HHAT: variants seen among roughly 807,000 people sequenced by gnomAD.
HHAT encodes the protein protein-cysteine N-palmitoyltransferase HHAT.
A neutral mutation model predicts 70.8 loss-of-function variants in HHAT; 47 were observed. The ratio of observed to expected loss-of-function variants is 0.66; its 90% CI spans 0.53 to 0.85. The LOEUF (loss-of-function observed/expected upper bound fraction) is 0.85, where lower values mean the gene tolerates loss of function less well. Ranked by LOEUF, HHAT falls within the 40% of genes least tolerant of loss-of-function variation. HHAT has a pLI of 0.00. For missense variants in HHAT, 609 were observed against 604.8 expected, an observed-to-expected ratio of 1.01 and a Z score of -0.07; for synonymous variants, 228 against 247.6, an observed-to-expected ratio of 0.92 and a Z score of 0.74.
At chr1:210,357,021 T>A (rs2087704890) in intron 2 of HHAT, among the ~76,000 whole-genome samples, 1 of 152,178 alleles carries the variant, frequency 6.6e-6, no homozygotes, top group Non-Finnish European at 1.5e-5. Flanking sequence ...TAACAGTGAG[T>A]GTTGTGGAAC....
At chr1:210,551,898 C>A (rs1244041141) in intron 9 of HHAT, among the ~76,000 whole-genome samples, 1 of 152,210 alleles carries the variant, frequency 6.6e-6, no homozygotes, top group Non-Finnish European at 1.5e-5. Context: ...AAGGCCATCT[C>A]ATTTGTGCCT....
chr1:210,631,185 A>G (rs1670791566), intron 11 of HHAT: 1 of 447,620 alleles, frequency 2.2e-6, no homozygotes, highest in Non-Finnish European at 4.5e-6. Context: ...AGGTGAGATT[A>G]TAAGCCCTTT....
intron 8 of HHAT, among the ~76,000 whole-genome samples, chr1:210,479,752 A>G (rs2094363287): frequency 6.6e-6 from 1 of 152,264 alleles, no homozygotes; most frequent in Non-Finnish European, 1.5e-5. Flanking sequence ...AATAAGTGAA[A>G]TAAATTGTTT....
chr1:210,411,355 G>A (rs2092547359), intron 6 of HHAT, among the ~76,000 whole-genome samples: 1 of 152,180 alleles, frequency 6.6e-6, no homozygotes, highest in Non-Finnish European at 1.5e-5. Flanking sequence ...ATGCACAGTT[G>A]GCTTATTTAG....
In HHAT at chr1:210,442,423, C is replaced by G. The variant is rs1249992104; in HGVS notation, c.857-22082C>G. 1.2e-4 allele frequency among the ~76,000 whole-genome samples: 18 copies of G among 146,384 alleles called. No homozygotes were observed. The South Asian group carries it at 4.2e-3, about 34-fold the overall frequency. On this transcript the variant is annotated intron_variant, in intron 7 of 11. Coordinates refer to ENST00000261458, the MANE Select transcript of HHAT (RefSeq NM_018194.6). ...CAGTTCTAGATCCCTGAGGAATCGC[C>G]ACACTGACTTCCACAATGGTTGAAC...
intron 11 of HHAT, among the ~76,000 whole-genome samples, chr1:210,661,314 T>C (rs1457067618): frequency 6.6e-6 from 1 of 152,102 alleles, no homozygotes; most frequent in Non-Finnish European, 1.5e-5. Flanking sequence ...CATGAAAAAA[T>C]GCTCATCATC....
At chr1:210,478,898 C>G (rs1052655158) in intron 8 of HHAT, among the ~76,000 whole-genome samples, 2 of 152,246 alleles carry the variant, frequency 1.3e-5, no homozygotes, top group African/African-American at 4.8e-5. Context: ...TGGACCCCTT[C>G]CCTCCATAAT....
In HHAT at chr1:210,627,110, T is replaced by C. The variant is rs542103444; in HGVS notation, c.1390+3440T>C. Among the ~76,000 whole-genome samples the C allele has an allele frequency of 2.6e-5, 4 of 152,298 alleles. No individual in the cohort carries two copies. The East Asian group carries it at 7.7e-4, about 29-fold the overall frequency. ...CCCTTCCCTCTGCACCTTGATGGGT[T>C]GGGACCTGCTGCAGCAAGAGGGAGG... On this transcript the variant is annotated intron_variant, in intron 11 of 11. Coordinates refer to ENST00000261458, the MANE Select transcript of HHAT (RefSeq NM_018194.6).
At chr1:210,346,845 G>A (rs1351413171) in intron 1 of HHAT, among the ~76,000 whole-genome samples, 1 of 152,194 alleles carries the variant, frequency 6.6e-6, no homozygotes, top group East Asian at 1.9e-4. Context: ...GGAGGGGCAG[G>A]GGCCTGGGTC....
chr1:210,612,190 C>G (rs1226708110), intron 10 of HHAT, among the ~76,000 whole-genome samples: 1 of 152,060 alleles, frequency 6.6e-6, no homozygotes, highest in Non-Finnish European at 1.5e-5. Context: ...ATATAATTTG[C>G]CATTTTAACC....
intron 7 of HHAT, among the ~76,000 whole-genome samples, chr1:210,449,458 T>C (rs1243964588): frequency 6.6e-6 from 1 of 152,218 alleles, no homozygotes; most frequent in Non-Finnish European, 1.5e-5. Context: ...TCTACACTTT[T>C]TCCTCCCCAG....
At chr1:210,666,731 G>A (rs967705703) in intron 11 of HHAT, among the ~76,000 whole-genome samples, 2 of 151,998 alleles carry the variant, frequency 1.3e-5, no homozygotes, top group African/African-American at 4.8e-5. Context: ...TGATTTGACC[G>A]CCTCAGCCTC....
chr1:210,509,830 T>C (rs10863836), intron 8 of HHAT, among the ~76,000 whole-genome samples: 67,051 of 152,058 alleles, frequency 0.44, 14,878 homozygotes, highest in East Asian at 0.57. Flanking sequence ...TATATTCTAC[T>C]CATATCTTGT....
chr1:210,562,130 A>G (rs1036051013), intron 9 of HHAT, among the ~76,000 whole-genome samples: 4 of 152,300 alleles, frequency 2.6e-5, no homozygotes, highest in Non-Finnish European at 5.9e-5. Context: ...ATATCATTCA[A>G]TAAACCAGCT....
At chr1:210,511,581 G>A (rs992491532) in intron 8 of HHAT, among the ~76,000 whole-genome samples, 8 of 152,114 alleles carry the variant, frequency 5.3e-5, no homozygotes, top group Middle Eastern at 6.8e-3. Flanking sequence ...CTGGACAGGC[G>A]TCAGACCCCC....
chr1:210,489,178 G>A (rs79882722), intron 8 of HHAT, among the ~76,000 whole-genome samples: 87 of 152,270 alleles, frequency 5.7e-4, no homozygotes, highest in African/African-American at 1.9e-3. Flanking sequence ...TTATTTAAAT[G>A]CAGTGCAAGT....
At chr1:210,381,643 A>G (rs910027) in intron 3 of HHAT, among the ~76,000 whole-genome samples, 60,375 of 152,030 alleles carry the variant, frequency 0.4, 12,214 homozygotes, top group Admixed American at 0.48. Flanking sequence ...GTAGATGTAA[A>G]CTTCTGAGCT....
At position 210,444,378 on chromosome 1, in the gene HHAT, A is replaced by G. The variant is rs1421305498; in HGVS notation, c.857-20127A>G. 3.5e-5 allele frequency among the ~76,000 whole-genome samples: 5 copies of G among 142,804 alleles called. No individual in the cohort carries two copies. In the East Asian group the frequency reaches 1.0e-3, roughly 29 times the overall value. The allele number at this position is 142,804 out of a possible 152,430, so 93.7% of individuals were successfully genotyped here. A position where few individuals can be genotyped will look rare whatever the true frequency, so the allele number is the denominator to read the frequency against. On this transcript the variant is annotated intron_variant, in intron 7 of 11. Transcript: ENST00000261458. ...GGCCTCATAAAATGAGTTAAGGAGG[A>G]TTCCCTCTTTTTCTATTGATTGGAA...
chr1:210,346,615 C>T (rs1294708983), intron 1 of HHAT, among the ~76,000 whole-genome samples: 1 of 152,208 alleles, frequency 6.6e-6, no homozygotes, highest in African/African-American at 2.4e-5. Flanking sequence ...AAGTCCAGAC[C>T]AAACTTTCTG....
Sources: gnomAD v4.1 joint callset for allele counts (sites outside exome capture counted in the v4.1 genomes callset) on GRCh38, gnomAD v4.1.1 for gene constraint, MANE v1.5 for transcripts, NCBI Gene and HGNC (gene_info 2026-07-23, HGNC 2026-07-21) for gene names.